The following LRRC25 variants were observed in gnomAD, a reference collection of about 807,000 sequenced individuals.
LRRC25 encodes leucine-rich repeat-containing protein 25.
LRRC25 carries 5 observed loss-of-function variants against 18.8 expected under a neutral mutation model. That is an observed-to-expected ratio of 0.27 (90% CI 0.14 to 0.56). LRRC25 has a LOEUF of 0.56. Among genes scored for constraint, LRRC25 ranks in the 20% least tolerant of loss-of-function variants. The pLI, the probability that LRRC25 is intolerant of heterozygous loss-of-function variation, is 0.93. For missense variants in LRRC25, 341 were observed against 389.8 expected (o/e 0.87, Z 1.05); for synonymous variants, 161 against 176.8 (o/e 0.91, Z 0.71).
Position 18,397,219 on chromosome 19 carries a change from C to T in LRRC25, c.-256G>A, listed in dbSNP as rs902255230. ...GGAGGAGATCCGGGCCAGTTAACCC[C>T]TTCTTCTATGTCCTGAACATTTGGG... On this transcript the variant is annotated 5_prime_UTR_variant, in exon 1 of 2. Coordinates refer to ENST00000339007, the MANE Select transcript of LRRC25 (RefSeq NM_145256.3). 1.8e-6 allele frequency: 1 copy of T among 555,496 alleles called. No individual in the cohort carries two copies. The highest frequency in any genetic ancestry group is 3.1e-5 in the Admixed American group (1 of 32,440). 34.4% of individuals were successfully genotyped at this position (555,496 alleles called of 1,614,324 possible).
At chr19:18,395,098 G>A (rs1248593896) in intron 1 of LRRC25, among the ~76,000 whole-genome samples, 3 of 152,012 alleles carry the variant, frequency 2.0e-5, no homozygotes, top group African/African-American at 4.8e-5. Context: ...TCGGCTGGGC[G>A]CGGTGGCTCA....
chr19:18,392,704 T>C lies in LRRC25; in HGVS notation c.780-579A>G, dbSNP rs374477889. On this transcript the variant is annotated intron_variant, in intron 1 of 1. Transcript: ENST00000339007. Reference sequence around the variant, plus strand: ...CCTTTTTCCTTCCTTAAAAATGAGATAGCGGCCAGGCGCGGTGACTCATGC... The same window carrying C: ...CCTTTTTCCTTCCTTAAAAATGAGACAGCGGCCAGGCGCGGTGACTCATGC... Among the ~76,000 whole-genome samples, 24 of 151,944 alleles carry C rather than the reference T, an allele frequency of 1.6e-4. No individual in the cohort carries two copies. The East Asian group carries it at 3.9e-3, about 25-fold the overall frequency.
chr19:18,391,901 A>C lies in LRRC25; in HGVS notation c.*86T>G. 6.8e-7 allele frequency: 1 copy of C among 1,479,120 alleles called. No individual in the cohort carries two copies. The highest frequency in any genetic ancestry group is 9.2e-7 in the Non-Finnish European group (1 of 1,086,384). The allele number at this position is 1,479,120 out of a possible 1,614,324, so 91.6% of individuals were successfully genotyped here. ...CCTGTACCCATTCTTCAGATGGGGA[A>C]ACTGAGGCCATGGAGGCGTTAGGAC... On this transcript the variant is annotated 3_prime_UTR_variant, in exon 2 of 2. Coordinates refer to ENST00000339007, the MANE Select transcript of LRRC25 (RefSeq NM_145256.3).
chr19:18,396,295 G>T lies in LRRC25; in HGVS notation c.669C>A (p.Ser223Arg). ...PGLGLQPRYGSRSAPKPQVAV... is the reference protein window; with the variant it reads ...PGLGLQPRYGRRSAPKPQVAV... ...CCACTTGGGGCTTGGGGGCGCTCCG[G>T]CTGCCGTACCGTGGCTGCAAGCCTA... Residue 223 changes from serine (S) to arginine (R), a missense_variant, in exon 1 of 2, where the codon AGC (serine) becomes AGA (arginine). Transcript: ENST00000339007. 6.2e-7 allele frequency: 1 copy of T among 1,611,888 alleles called. No homozygotes were observed. Among genetic ancestry groups the T allele is most frequent in the South Asian group, 1.1e-5 (1 of 91,068 alleles).
At chr19:18,394,553 C>T (rs1308002248) in intron 1 of LRRC25, among the ~76,000 whole-genome samples, 1 of 152,160 alleles carries the variant, frequency 6.6e-6, no homozygotes, top group African/African-American at 2.4e-5. Context: ...GATCCTCCTG[C>T]CTTGGCCTCC....
intron 1 of LRRC25, among the ~76,000 whole-genome samples, chr19:18,395,744 G>A (rs1373962722): frequency 1.3e-5 from 2 of 152,022 alleles, no homozygotes; most frequent in African/African-American, 4.8e-5. Flanking sequence ...TTTTTGAGAT[G>A]GAGTCTCACT....
rs1600253261 is a variant in LRRC25 at position 18,391,566 on chromosome 19, A to AC, written c.*420_*421insG. On this transcript the variant is annotated 3_prime_UTR_variant, in exon 2 of 2. Coordinates refer to ENST00000339007, the MANE Select transcript of LRRC25 (RefSeq NM_145256.3). ...AACAAACAAACAAACAACAACAACA[A>AC]AAAAAAACAGGGATGGGAGGTGGGG... is the stretch of plus-strand genomic sequence containing the variant. 6.2e-6 allele frequency: 1 copy of AC among 160,656 alleles called. No homozygotes were observed. The highest frequency in any genetic ancestry group is 1.4e-5 in the Non-Finnish European group (1 of 72,206). 10.0% of individuals were successfully genotyped at this position (160,656 alleles called of 1,614,324 possible).
In LRRC25 at chr19:18,397,285, G is replaced by A; in HGVS notation, c.-322C>T. 2.9e-6 allele frequency: 1 copy of A among 340,276 alleles called. No homozygotes were observed. Among genetic ancestry groups the A allele is most frequent in the South Asian group, 5.2e-5 (1 of 19,408 alleles). The allele number at this position is 340,276 out of a possible 1,614,324, so 21.1% of individuals were successfully genotyped here. A position where few individuals can be genotyped will look rare whatever the true frequency, so the allele number is the denominator to read the frequency against. ...AGGACGGGACCCTATGCAAATAAGC[G>A]GTTGCCTTGGAAACGGCCCCGCCCC... On this transcript the variant is annotated 5_prime_UTR_variant, in exon 1 of 2. Transcript: ENST00000339007.
chr19:18,395,129 A>T (rs1007342596), intron 1 of LRRC25, among the ~76,000 whole-genome samples: 11 of 152,016 alleles, frequency 7.2e-5, no homozygotes, highest in Admixed American at 5.9e-4. Flanking sequence ...CCCAGCACTT[A>T]AGGAGGCTGA....
At chr19:18,395,966 C>T (rs1405610011) in intron 1 of LRRC25, among the ~76,000 whole-genome samples, 7 of 152,166 alleles carry the variant, frequency 4.6e-5, no homozygotes, top group Non-Finnish European at 7.3e-5. Context: ...AGTGATCCGC[C>T]TGCCTTGGCC....
chr19:18,393,710 G>C (rs1971929867), intron 1 of LRRC25, among the ~76,000 whole-genome samples: 3 of 152,160 alleles, frequency 2.0e-5, no homozygotes, highest in African/African-American at 7.2e-5. Context: ...GGTTGTAGGG[G>C]GACGAACAGG....
chr19:18,393,470 C>T (rs1226321635), intron 1 of LRRC25, among the ~76,000 whole-genome samples: 1 of 152,088 alleles, frequency 6.6e-6, no homozygotes, highest in African/African-American at 2.4e-5. Flanking sequence ...TAAAATTAGC[C>T]GGGTGTGATG....
At chr19:18,393,787 C>T (rs1392062625) in intron 1 of LRRC25, among the ~76,000 whole-genome samples, 3 of 152,134 alleles carry the variant, frequency 2.0e-5, no homozygotes, top group Non-Finnish European at 2.9e-5. Flanking sequence ...AGTCATTTCC[C>T]TGCCTCCCAG....
rs1300396118 is a variant in LRRC25, at chr19:18,396,988, G to A, written c.-25C>T. 1.3e-5 allele frequency: 21 copies of A among 1,584,386 alleles called. No individual in the cohort carries two copies. Among genetic ancestry groups the A allele is most frequent in the South Asian group, 2.2e-5 (2 of 88,930 alleles). ...TTCAAGCAACCTACGTAGAGACACC[G>A]GAATCCTAGCCCTGACCTCAGCCCT... On this transcript the variant is annotated 5_prime_UTR_variant, in exon 1 of 2. Transcript: ENST00000339007.
intron 1 of LRRC25, among the ~76,000 whole-genome samples, chr19:18,393,126 C>A (rs112839104): frequency 7.9e-5 from 12 of 152,360 alleles, no homozygotes; most frequent in African/African-American, 2.9e-4. Context: ...GTGCTCCTTC[C>A]GATGGGAAAT....
In LRRC25 at chr19:18,391,530, TCA is replaced by T. The variant is rs768091320; in HGVS notation, c.*455_*456del. 30 of 157,750 alleles carry T rather than the reference TCA, an allele frequency of 1.9e-4. No individual in the cohort carries two copies. Among genetic ancestry groups the T allele is most frequent in the Non-Finnish European group, 4.0e-4 (28 of 70,804 alleles). 9.8% of individuals were successfully genotyped at this position (157,750 alleles called of 1,614,324 possible). A position where few individuals can be genotyped will look rare whatever the true frequency, so the allele number is the denominator to read the frequency against. On this transcript the variant is annotated 3_prime_UTR_variant, in exon 2 of 2. Transcript: ENST00000339007. ...TCCAGCCTGGGTGACAGAGTGACAC[TCA>T]GTTTCAAAAACAAACAAACAAACAA...
intron 1 of LRRC25, among the ~76,000 whole-genome samples, chr19:18,395,085 A>T (rs1324938543): frequency 6.6e-6 from 1 of 151,546 alleles, no homozygotes; most frequent in East Asian, 1.9e-4. Context: ...TCAAAAAAAA[A>T]TGTCGGCTGG....
chr19:18,396,692 T>A lies in LRRC25; in HGVS notation c.272A>T (p.Asn91Ile). ...FAHLQKLEVL[N>I]VLRNPLSRVD... ...ACGAGACAAGGGGTTGCGTAGCACG[T>A]TCAGGACCTCAAGCTTCTGCAGGTG... The change falls in exon 1 of 2, where the codon AAC (asparagine) becomes ATC (isoleucine). Residue 91 changes from asparagine (N) to isoleucine (I), a missense_variant. Asn to Ile is a moderately radical substitution (Grantham distance 149). Coordinates refer to ENST00000339007, the MANE Select transcript of LRRC25 (RefSeq NM_145256.3). The A allele has an allele frequency of 6.2e-7, 1 of 1,613,910 alleles. No homozygotes were observed. The highest frequency in any genetic ancestry group is 8.5e-7 in the Non-Finnish European group (1 of 1,179,964).
rs1971892736 is a variant in LRRC25, at chr19:18,391,220, TG to T, written c.*766del. The T allele has an allele frequency of 6.6e-6, 1 of 152,108 alleles. No individual in the cohort carries two copies. The highest frequency in any genetic ancestry group is 6.6e-5 in the Admixed American group (1 of 15,258). The allele number at this position is 152,108 out of a possible 1,614,324, so 9.4% of individuals were successfully genotyped here. On this transcript the variant is annotated 3_prime_UTR_variant, in exon 2 of 2. Coordinates refer to ENST00000339007, the MANE Select transcript of LRRC25 (RefSeq NM_145256.3). ...AGGCCAAGCCTGGAGATCAGGGACC[TG>T]GGAAGGGGCCCTGAGAGGGGCAGAA...
Sources: gnomAD v4.1 joint callset for allele counts (sites outside exome capture counted in the v4.1 genomes callset) on GRCh38, gnomAD v4.1.1 for gene constraint, MANE v1.5 for transcripts, NCBI Gene and HGNC (gene_info 2026-07-23, HGNC 2026-07-21) for gene names.